The following SLC16A7 variants were observed in gnomAD, a reference collection of about 807,000 sequenced individuals.
SLC16A7 encodes the protein monocarboxylate transporter 2.
A neutral mutation model predicts 34.9 loss-of-function variants in SLC16A7; 33 were observed. That is an observed-to-expected ratio of 0.94 (90% confidence interval 0.72 to 1.26). SLC16A7 has a LOEUF of 1.26. Ranked by LOEUF, SLC16A7 falls within the 50% of genes most tolerant of loss-of-function variation. The pLI, the probability that SLC16A7 is intolerant of heterozygous loss-of-function variation, is 0.00. For synonymous variants in SLC16A7, 201 were observed against 206.6 expected (o/e 0.97, Z 0.23); for missense variants, 573 against 578.1 (o/e 0.99, Z 0.09).
At chr12:59,619,966 A>G (rs1879627347) in intron 1 of SLC16A7, among the ~76,000 whole-genome samples, 2 of 151,968 alleles carry the variant, frequency 1.3e-5, no homozygotes, top group African/African-American at 4.8e-5. Context: ...TAAAATTCAC[A>G]AAGTTAGTAA....
At chr12:59,613,627 T>G (rs1362503221) in intron 1 of SLC16A7, among the ~76,000 whole-genome samples, 1 of 152,140 alleles carries the variant, frequency 6.6e-6, no homozygotes, top group African/African-American at 2.4e-5. Flanking sequence ...AGATACACAA[T>G]CAAGGAAGTG....
intron 2 of SLC16A7, among the ~76,000 whole-genome samples, chr12:59,670,321 A>T (rs1389910501): frequency 1.3e-5 from 2 of 152,150 alleles, no homozygotes; most frequent in African/African-American, 4.8e-5. Flanking sequence ...TTATTTACAA[A>T]TAAGGTCACA....
intron 5 of SLC16A7, among the ~76,000 whole-genome samples, chr12:59,777,921 C>T (rs533445710): frequency 7.3e-5 from 11 of 150,584 alleles, no homozygotes; most frequent in South Asian, 4.2e-4. Flanking sequence ...TTTGTTCTTG[C>T]GATAGTTTAC....
At position 59,596,954 on chromosome 12, in the gene SLC16A7, G is replaced by A. The variant is rs1427424455; in HGVS notation, c.-130+718G>A. The A allele has an allele frequency of 6.6e-6, 1 of 152,352 alleles. No individual in the cohort carries two copies. The highest frequency in any genetic ancestry group is 2.4e-5 in the African/African-American group (1 of 41,462). 9.4% of individuals were successfully genotyped at this position (152,352 alleles called of 1,614,324 possible). A position where few individuals can be genotyped will look rare whatever the true frequency, so the allele number is the denominator to read the frequency against. Reference sequence around the variant, plus strand: ...TTGGCAAGGGTTCAGGAGGGCCTGAGCCTTCTGGTCTTGCTGGGCCACTGC... The same window carrying A: ...TTGGCAAGGGTTCAGGAGGGCCTGAACCTTCTGGTCTTGCTGGGCCACTGC... On this transcript the variant is annotated intron_variant, in intron 1 of 5. Coordinates refer to ENST00000547379, the MANE Select transcript of SLC16A7 (RefSeq NM_001270623.2). This position sits in a 1 kb window ranked among gnomAD's most constrained non-coding sequence, Gnocchi z 5.0.
intron 1 of SLC16A7, among the ~76,000 whole-genome samples, chr12:59,605,019 G>A (rs1878871035): frequency 6.6e-6 from 1 of 151,848 alleles, no homozygotes; most frequent in African/African-American, 2.4e-5. Flanking sequence ...GCTAATTTTT[G>A]TTTTTGTATT....
intron 3 of SLC16A7, among the ~76,000 whole-genome samples, chr12:59,754,324 T>G (rs554307156): frequency 1.3e-5 from 2 of 152,136 alleles, no homozygotes; most frequent in African/African-American, 4.8e-5. Context: ...AGGAGCCGGT[T>G]TTTTGAAAGG....
At chr12:59,750,330 A>G (rs926110925) in intron 3 of SLC16A7, among the ~76,000 whole-genome samples, 1 of 152,220 alleles carries the variant, frequency 6.6e-6, no homozygotes, top group Non-Finnish European at 1.5e-5. Context: ...ACAAAGGGCT[A>G]GTATCCAGAA....
At chr12:59,678,836 C>T (rs1870519824) in intron 2 of SLC16A7, among the ~76,000 whole-genome samples, 1 of 152,146 alleles carries the variant, frequency 6.6e-6, no homozygotes, top group South Asian at 2.1e-4. Flanking sequence ...CAAGGGGTGA[C>T]TGCAAGCCAG....
intron 5 of SLC16A7, among the ~76,000 whole-genome samples, chr12:59,777,987 A>AT (rs1882930036): frequency 6.6e-6 from 1 of 152,130 alleles, no homozygotes; most frequent in Non-Finnish European, 1.5e-5. Flanking sequence ...TGAACTCATC[A>AT]TTTTTTATGG....
At chr12:59,609,933 C>T (rs192464512) in intron 1 of SLC16A7, among the ~76,000 whole-genome samples, 180 of 152,218 alleles carry the variant, frequency 1.2e-3, no homozygotes, top group African/African-American at 4.0e-3. Flanking sequence ...GCCAAACATA[C>T]AGTTACAGAG....
intron 4 of SLC16A7, among the ~76,000 whole-genome samples, chr12:59,771,564 A>G (rs1041677847): frequency 6.6e-6 from 1 of 152,212 alleles, no homozygotes; most frequent in African/African-American, 2.4e-5. Flanking sequence ...ATAAAAAATT[A>G]TCAGACAAGT....
chr12:59,738,321 C>T (rs1877844654), intron 3 of SLC16A7, among the ~76,000 whole-genome samples: 1 of 152,114 alleles, frequency 6.6e-6, no homozygotes, highest in Non-Finnish European at 1.5e-5. Context: ...TAGAATACCT[C>T]CTAACAAAAA....
In SLC16A7 at chr12:59,709,081, C is replaced by G. The variant is rs540492286; in HGVS notation, c.217+4063C>G. 4.5e-4 allele frequency among the ~76,000 whole-genome samples: 69 copies of G among 151,762 alleles called. 2 individuals carry two copies. Among genetic ancestry groups the G allele is most frequent in the African/African-American group, 1.6e-3 (65 of 41,074 alleles). ...GGTTTTATTTTGTAAATAGTGATTA[C>G]ATAGGATTATCTTTTAGTGCAATAT... On this transcript the variant is annotated intron_variant, in intron 3 of 5. Coordinates refer to ENST00000547379, the MANE Select transcript of SLC16A7 (RefSeq NM_001270623.2).
rs145632982 is a variant in SLC16A7, at chr12:59,699,222, T to A, written c.-30-5550T>A. Among the ~76,000 whole-genome samples, 4 of 151,694 alleles carry A rather than the reference T, an allele frequency of 2.6e-5. No individual in the cohort carries two copies. In the Admixed American group the frequency reaches 2.6e-4, roughly 10 times the overall value. ...AATGTGTAGGGTAATTACTGAAGTA[T>A]AAATATGATGCCTAAACTTCCAAAT... On this transcript the variant is annotated intron_variant, in intron 2 of 5. Coordinates refer to ENST00000547379, the MANE Select transcript of SLC16A7 (RefSeq NM_001270623.2).
rs887470591 is a variant in SLC16A7, at chr12:59,739,904, T to C, written c.218-31315T>C. ...TTTGATGGGGTTGTTTGTTTTTCTC[T>C]TGTATATTTGTTTGAGTTCATTGTA... On this transcript the variant is annotated intron_variant, in intron 3 of 5. Transcript: ENST00000547379. Among the ~76,000 whole-genome samples, 50 of 152,340 alleles carry C rather than the reference T, an allele frequency of 3.3e-4. 5 individuals are homozygous for C. The highest frequency in any genetic ancestry group is 1.1e-3 in the African/African-American group (47 of 41,572).
At chr12:59,628,279 A>G (rs1344873273) in intron 1 of SLC16A7, among the ~76,000 whole-genome samples, 1 of 151,916 alleles carries the variant, frequency 6.6e-6, no homozygotes, top group Non-Finnish European at 1.5e-5. Context: ...GTCTTAAATT[A>G]TCTTGCATCT....
intron 2 of SLC16A7, among the ~76,000 whole-genome samples, chr12:59,670,772 G>A (rs1347164211): frequency 6.6e-6 from 1 of 152,192 alleles, no homozygotes; most frequent in Non-Finnish European, 1.5e-5. Context: ...TAGGTTGCAA[G>A]GCTTGGCAAT....
chr12:59,702,829 A>G (rs1014288215), intron 2 of SLC16A7, among the ~76,000 whole-genome samples: 16 of 151,940 alleles, frequency 1.1e-4, no homozygotes, highest in African/African-American at 3.1e-4. Flanking sequence ...AAATTACATC[A>G]CTCGGCAGTC....
intron 2 of SLC16A7, among the ~76,000 whole-genome samples, chr12:59,665,235 A>G (rs997982394): frequency 2.6e-5 from 4 of 152,130 alleles, no homozygotes; most frequent in African/African-American, 7.2e-5. Context: ...TATTAATCAT[A>G]ATTATTTAAA....
Sources: allele counts gnomAD v4.1 joint callset (sites outside exome capture counted in the v4.1 genomes callset), GRCh38; gene constraint gnomAD v4.1.1; non-coding constraint Gnocchi (gnomAD v3.1); transcripts MANE v1.5; gene names NCBI Gene and HGNC (gene_info 2026-07-23, HGNC 2026-07-21).